Variants in UNC5D observed in about 807,000 individuals in gnomAD.
UNC5D encodes the protein unc-5 netrin receptor D.
Under a neutral mutation model 105.4 loss-of-function variants are expected in UNC5D, and 39 were observed. The ratio of observed to expected loss-of-function variants is 0.37; its 90% CI spans 0.29 to 0.48. The LOEUF (loss-of-function observed/expected upper bound fraction) is 0.48, where lower values mean the gene tolerates loss of function less well. Among genes scored for constraint, UNC5D ranks in the 20% least tolerant of loss-of-function variants. The probability of loss-of-function intolerance (pLI) is 0.98; values close to 1 mark genes in which losing one functional copy is unlikely to be tolerated. For synonymous variants in UNC5D, 452 were observed against 450.4 expected (o/e 1.00, Z -0.04); for missense variants, 991 against 1,202.4 (o/e 0.82, Z 2.60).
At chr8:35,708,134 T>C (rs928590412) in intron 8 of UNC5D, among the ~76,000 whole-genome samples, 1 of 152,180 alleles carries the variant, frequency 6.6e-6, no homozygotes, top group Admixed American at 6.5e-5. Flanking sequence ...TATATAGCCA[T>C]ACACATGATC....
At chr8:35,489,566 G>A (rs895218968) in intron 1 of UNC5D, among the ~76,000 whole-genome samples, 3 of 152,148 alleles carry the variant, frequency 2.0e-5, no homozygotes, top group East Asian at 3.9e-4. Context: ...GTGAGGACAC[G>A]CAGGAAAAAT....
chr8:35,241,171 C>G lies in UNC5D; in HGVS notation c.103+5284C>G, dbSNP rs1230220195. ...CTCTTGTGAGGCAGATGGCTAGATT[C>G]ATTTATAGAAAATAGATATTCGTTC... On this transcript the variant is annotated intron_variant, in intron 1 of 16. Coordinates refer to ENST00000404895, the MANE Select transcript of UNC5D (RefSeq NM_080872.4). 2.6e-5 allele frequency among the ~76,000 whole-genome samples: 4 copies of G among 152,166 alleles called. No homozygotes were observed. The South Asian group carries it at 6.2e-4, about 24-fold the overall frequency.
chr8:35,239,252 T>C (rs1585388932), intron 1 of UNC5D, among the ~76,000 whole-genome samples: 1 of 152,192 alleles, frequency 6.6e-6, no homozygotes, highest in East Asian at 1.9e-4. Flanking sequence ...AGGGAAACAT[T>C]TGGAGCTGTG....
intron 1 of UNC5D, among the ~76,000 whole-genome samples, chr8:35,407,590 G>C (rs1403428979): frequency 6.6e-6 from 1 of 151,954 alleles, no homozygotes; most frequent in Non-Finnish European, 1.5e-5. Context: ...TGTTACATAG[G>C]TAAACTTGTG....
intron 3 of UNC5D, 63 bp downstream of exon 3, chr8:35,568,304 G>A: frequency 1.3e-6 from 2 of 1,574,610 alleles, no homozygotes; most frequent in Non-Finnish European, 1.7e-6. Flanking sequence ...TAGAGCTGAA[G>A]AGAGGTTTTA....
At chr8:35,309,690 G>T (rs1808724887) in intron 1 of UNC5D, among the ~76,000 whole-genome samples, 1 of 151,992 alleles carries the variant, frequency 6.6e-6, no homozygotes, top group African/African-American at 2.4e-5. Flanking sequence ...TTCATTGCAA[G>T]TTACTGTTTA....
At chr8:35,491,243 G>A (rs953019112) in intron 1 of UNC5D, among the ~76,000 whole-genome samples, 6 of 152,050 alleles carry the variant, frequency 3.9e-5, no homozygotes, top group African/African-American at 1.4e-4. Context: ...ATGACTTTGT[G>A]AACATGAAAT....
At chr8:35,321,521 C>T (rs1002374521) in intron 1 of UNC5D, among the ~76,000 whole-genome samples, 20 of 152,124 alleles carry the variant, frequency 1.3e-4, no homozygotes, top group Non-Finnish European at 2.5e-4. Flanking sequence ...CCTTCCACAC[C>T]GATTGTAAGT....
intron 1 of UNC5D, among the ~76,000 whole-genome samples, chr8:35,364,696 C>T (rs575587681): frequency 6.6e-6 from 1 of 152,076 alleles, no homozygotes. Flanking sequence ...ATTTCCATAC[C>T]TATCAGTATA....
chr8:35,240,880 T>C (rs548931323), intron 1 of UNC5D, among the ~76,000 whole-genome samples: 8 of 152,356 alleles, frequency 5.3e-5, no homozygotes, highest in African/African-American at 1.9e-4. Context: ...CAGCTTACTA[T>C]ACTTTGGGAT....
intron 2 of UNC5D, among the ~76,000 whole-genome samples, chr8:35,565,956 C>A (rs184762012): frequency 3.3e-5 from 5 of 152,278 alleles, no homozygotes; most frequent in African/African-American, 1.2e-4. Context: ...CCTTTGTCTG[C>A]CCATTCATAT....
At chr8:35,288,344 A>G (rs1334398451) in intron 1 of UNC5D, among the ~76,000 whole-genome samples, 3 of 152,058 alleles carry the variant, frequency 2.0e-5, no homozygotes, top group Non-Finnish European at 2.9e-5. Context: ...CAAAAATACT[A>G]TACCTGGTAA....
intron 1 of UNC5D, among the ~76,000 whole-genome samples, chr8:35,399,145 CAAAAAAAAAAAA>C (rs1029547730): frequency 1.8e-5 from 1 of 54,702 alleles, no homozygotes; most frequent in Non-Finnish European, 3.7e-5. Context: ...ACTCCATCTC[CAAAAAAAAAAAA>C]AAAAAAAAAA....
chr8:35,601,967 G>T (rs546914557), intron 4 of UNC5D, among the ~76,000 whole-genome samples: 3 of 152,126 alleles, frequency 2.0e-5, no homozygotes, highest in African/African-American at 7.2e-5. Flanking sequence ...TTTGAGATAC[G>T]TCCCATCAAT....
At chr8:35,683,985 G>T (rs942595044) in intron 5 of UNC5D, among the ~76,000 whole-genome samples, 2 of 152,044 alleles carry the variant, frequency 1.3e-5, no homozygotes, top group African/African-American at 4.8e-5. Flanking sequence ...ATAATAAAAA[G>T]CTGTTTATTT....
chr8:35,368,832 T>C (rs1330862518), intron 1 of UNC5D, among the ~76,000 whole-genome samples: 2 of 152,022 alleles, frequency 1.3e-5, no homozygotes, highest in African/African-American at 4.8e-5. Flanking sequence ...TGCTTACTCA[T>C]GGAGGAAAGG....
intron 1 of UNC5D, among the ~76,000 whole-genome samples, chr8:35,330,820 G>A (rs1231972161): frequency 2.6e-5 from 4 of 152,146 alleles, no homozygotes; most frequent in Admixed American, 1.3e-4. Flanking sequence ...TGGCTTTCGA[G>A]TGTATTCTTT....
intron 1 of UNC5D, among the ~76,000 whole-genome samples, chr8:35,450,238 T>C (rs1196468557): frequency 6.6e-6 from 1 of 152,160 alleles, no homozygotes; most frequent in Non-Finnish European, 1.5e-5. Context: ...CACACACTAG[T>C]GACTCACTAA....
chr8:35,249,875 A>T (rs1803573567), intron 1 of UNC5D, among the ~76,000 whole-genome samples: 1 of 152,084 alleles, frequency 6.6e-6, no homozygotes, highest in Non-Finnish European at 1.5e-5. Context: ...TGCTGCTAGA[A>T]ATAGTGGTCA....
Sources: gnomAD v4.1 joint callset for allele counts (sites outside exome capture counted in the v4.1 genomes callset) on GRCh38, gnomAD v4.1.1 for gene constraint, MANE v1.5 for transcripts, NCBI Gene and HGNC (gene_info 2026-07-23, HGNC 2026-07-21) for gene names.